The following CSMD1 variants were observed in gnomAD, a reference collection of about 807,000 sequenced individuals.
The protein encoded by CSMD1 is CUB and sushi domain-containing protein 1.
Under a neutral mutation model 417.5 loss-of-function variants are expected in CSMD1, and 213 were observed. The ratio of observed to expected loss-of-function variants is 0.51; its 90% CI spans 0.46 to 0.57. The LOEUF (loss-of-function observed/expected upper bound fraction) is 0.57, where lower values mean the gene tolerates loss of function less well. CSMD1 is among the 20% of genes least tolerant of loss of function. The pLI is 0.00. For missense variants in CSMD1, 6,923 were observed against 4,529.7 expected (o/e 1.53, Z -15.17); for synonymous variants, 2,862 against 1,736.8 (o/e 1.65, Z -16.11).
intron 5 of CSMD1, among the ~76,000 whole-genome samples, chr8:3,873,521 T>C (rs940050401): frequency 6.6e-6 from 1 of 151,456 alleles, no homozygotes; most frequent in Non-Finnish European, 1.5e-5. Context: ...CAGGGACACA[T>C]AAAGGGAAAA....
chr8:3,383,004 G>C (rs114066409), intron 18 of CSMD1, among the ~76,000 whole-genome samples: 1 of 152,170 alleles, frequency 6.6e-6, no homozygotes, highest in African/African-American at 2.4e-5. Context: ...GCCGAACAAT[G>C]AGAGGAGAAA....
chr8:3,183,697 C>G (rs887097636), intron 36 of CSMD1, among the ~76,000 whole-genome samples: 1 of 152,220 alleles, frequency 6.6e-6, no homozygotes, highest in South Asian at 2.1e-4. Flanking sequence ...GAGTAGGTCT[C>G]TACTGTTTCT....
At chr8:3,396,765 T>A (rs972609929) in intron 16 of CSMD1, among the ~76,000 whole-genome samples, 1 of 152,144 alleles carries the variant, frequency 6.6e-6, no homozygotes, top group Non-Finnish European at 1.5e-5. Flanking sequence ...AAACTATTTT[T>A]ACCATTCCCT....
chr8:3,242,024 A>G (rs1799564945), intron 26 of CSMD1, among the ~76,000 whole-genome samples: 1 of 74,620 alleles, frequency 1.3e-5, no homozygotes, highest in Non-Finnish European at 3.4e-5. Context: ...TTGCTGCCAA[A>G]CGAGCCATGA....
chr8:3,912,551 T>C (rs972691524), intron 5 of CSMD1, among the ~76,000 whole-genome samples: 1 of 152,184 alleles, frequency 6.6e-6, no homozygotes, highest in African/African-American at 2.4e-5. Flanking sequence ...TCTTAGCTTC[T>C]CTGCCAAGGT....
chr8:3,547,553 C>A (rs940257861), intron 10 of CSMD1, among the ~76,000 whole-genome samples: 1 of 152,144 alleles, frequency 6.6e-6, no homozygotes, highest in Non-Finnish European at 1.5e-5. Context: ...AAGTCTCATA[C>A]AAAATTGAGT....
intron 1 of CSMD1, among the ~76,000 whole-genome samples, chr8:4,689,337 T>C (rs1019384484): frequency 2.6e-5 from 4 of 152,240 alleles, no homozygotes; most frequent in South Asian, 4.1e-4. Flanking sequence ...TTGATCTTCA[T>C]AATGCTCATT....
chr8:4,987,310 G>T (rs1363716810), intron 1 of CSMD1, among the ~76,000 whole-genome samples: 6 of 152,180 alleles, frequency 3.9e-5, no homozygotes, highest in Admixed American at 3.9e-4. Context: ...AAAACTGTGT[G>T]TCATGCCCAC....
At chr8:4,770,021 G>T (rs1030227461) in intron 1 of CSMD1, among the ~76,000 whole-genome samples, 1 of 151,832 alleles carries the variant, frequency 6.6e-6, no homozygotes, top group Non-Finnish European at 1.5e-5. Flanking sequence ...ACATTATTCT[G>T]TTACTCCGGT....
At chr8:3,584,237 G>A (rs1174407663) in intron 9 of CSMD1, among the ~76,000 whole-genome samples, 3 of 152,158 alleles carry the variant, frequency 2.0e-5, no homozygotes, top group East Asian at 3.8e-4. Context: ...ACAGAAGATT[G>A]ACAAAGCCAG....
At chr8:4,229,069 CCAA>C (rs1801542764) in intron 3 of CSMD1, among the ~76,000 whole-genome samples, 1 of 152,180 alleles carries the variant, frequency 6.6e-6, no homozygotes, top group Non-Finnish European at 1.5e-5. Flanking sequence ...CTAAGCTTTC[CCAA>C]ACCTGATTCC....
At chr8:4,066,207 G>C (rs1185664737) in intron 3 of CSMD1, among the ~76,000 whole-genome samples, 1 of 152,206 alleles carries the variant, frequency 6.6e-6, no homozygotes, top group Non-Finnish European at 1.5e-5. Flanking sequence ...TGTTTCAACT[G>C]CCAGTCATGG....
At chr8:4,510,813 ACTCC>A (rs1384364394) in intron 2 of CSMD1, among the ~76,000 whole-genome samples, 438 of 35,152 alleles carry the variant, frequency 0.012, 2 homozygotes, top group African/African-American at 0.05. Flanking sequence ...CCCTTCCTTC[ACTCC>A]CTCCCTTCCT....
chr8:4,346,906 C>G (rs1209035091), intron 3 of CSMD1, among the ~76,000 whole-genome samples: 1 of 152,154 alleles, frequency 6.6e-6, no homozygotes, highest in Non-Finnish European at 1.5e-5. Flanking sequence ...CTGGCTGGAC[C>G]TCAATCTTTT....
At chr8:4,250,231 A>C (rs1044531309) in intron 3 of CSMD1, among the ~76,000 whole-genome samples, 1 of 152,158 alleles carries the variant, frequency 6.6e-6, no homozygotes. Context: ...CAACAACACA[A>C]ATGTACTAAG....
intron 1 of CSMD1, among the ~76,000 whole-genome samples, chr8:4,725,014 C>T (rs530793573): frequency 1.4e-4 from 21 of 152,118 alleles, no homozygotes; most frequent in African/African-American, 5.1e-4. Flanking sequence ...TGAAAGAACA[C>T]GTTTTAAATA....
chr8:3,156,088 AT>A (rs1819511195), intron 39 of CSMD1, among the ~76,000 whole-genome samples: 1 of 152,236 alleles, frequency 6.6e-6, no homozygotes, highest in Admixed American at 6.5e-5. Context: ...GCCGAAATGA[AT>A]TCTAAACAGA....
chr8:3,965,393 T>C (rs183456952), intron 5 of CSMD1, among the ~76,000 whole-genome samples: 106 of 152,268 alleles, frequency 7.0e-4, no homozygotes, highest in Middle Eastern at 3.4e-3. Flanking sequence ...TACAAATACA[T>C]TGCCTTAGAG....
At chr8:4,527,559 G>A (rs1345239254) in intron 2 of CSMD1, among the ~76,000 whole-genome samples, 3 of 152,118 alleles carry the variant, frequency 2.0e-5, no homozygotes, top group Non-Finnish European at 4.4e-5. Flanking sequence ...GTAGAGATAA[G>A]TGTTCTTTTG....
Sources: gnomAD v4.1 joint callset for allele counts (sites outside exome capture counted in the v4.1 genomes callset) on GRCh38, gnomAD v4.1.1 for gene constraint, MANE v1.5 for transcripts, NCBI Gene and HGNC (gene_info 2026-07-23, HGNC 2026-07-21) for gene names.